DOCK2: variants seen among roughly 807,000 people sequenced by gnomAD.
DOCK2 encodes the protein dedicator of cytokinesis 2.
Under a neutral mutation model 248.9 loss-of-function variants are expected in DOCK2, and 87 were observed. The observed-to-expected ratio is 0.35, with a 90% CI of 0.29 to 0.42. The LOEUF is 0.42. DOCK2 is among the 10% of genes least tolerant of loss of function. DOCK2 has a pLI of 1.00. For synonymous variants in DOCK2, 805 were observed against 821.6 expected, an observed-to-expected ratio of 0.98 and a Z score of 0.35; for missense variants, 1,747 against 2,300.2, an observed-to-expected ratio of 0.76 and a Z score of 4.92.
chr5:169,746,331 G>A (rs114140198), intron 22 of DOCK2, among the ~76,000 whole-genome samples: 2,019 of 152,244 alleles, frequency 0.013, 60 homozygotes, highest in African/African-American at 0.046. Flanking sequence ...TGAGGGGAAG[G>A]ATGGGGATTT....
At chr5:169,804,674 C>G (rs1218467281) in intron 26 of DOCK2, among the ~76,000 whole-genome samples, 1 of 152,042 alleles carries the variant, frequency 6.6e-6, no homozygotes, top group East Asian at 1.9e-4. Context: ...CTTATTATTC[C>G]CATTTTAGAG....
intron 27 of DOCK2, among the ~76,000 whole-genome samples, chr5:169,930,773 C>T (rs3912298): frequency 2.0e-5 from 3 of 152,160 alleles, no homozygotes; most frequent in African/African-American, 7.2e-5. Context: ...GGGTGAGCCT[C>T]CATTTCCAGG....
At chr5:169,915,243 C>T (rs1774812130) in intron 27 of DOCK2, among the ~76,000 whole-genome samples, 1 of 152,058 alleles carries the variant, frequency 6.6e-6, no homozygotes. Context: ...CAAATAAAGG[C>T]TGTGTAATAT....
chr5:169,785,302 A>G (rs1450176090), intron 25 of DOCK2, among the ~76,000 whole-genome samples: 1 of 152,172 alleles, frequency 6.6e-6, no homozygotes, highest in African/African-American at 2.4e-5. Flanking sequence ...AAGATATTTT[A>G]TACCTTATTC....
intron 27 of DOCK2, chr5:169,864,394 G>C: frequency 6.4e-7 from 1 of 1,551,414 alleles, no homozygotes; most frequent in Non-Finnish European, 8.7e-7. Context: ...AACTGGCTCT[G>C]CTTCCTCCAG....
intron 19 of DOCK2, 125 bp downstream of exon 19, chr5:169,714,582 ACT>A: frequency 1.0e-6 from 1 of 997,166 alleles, no homozygotes; most frequent in Non-Finnish European, 1.5e-6. Context: ...AGTAGGATAC[ACT>A]CTCCCGAGTT....
At chr5:169,979,624 GA>G (rs925984750) in intron 27 of DOCK2, among the ~76,000 whole-genome samples, 2 of 151,730 alleles carry the variant, frequency 1.3e-5, no homozygotes, top group Non-Finnish European at 2.9e-5. Flanking sequence ...CACCATAGCA[GA>G]AAAAAAAGAT....
At chr5:169,933,423 G>C (rs1016735535) in intron 27 of DOCK2, among the ~76,000 whole-genome samples, 1 of 152,252 alleles carries the variant, frequency 6.6e-6, no homozygotes. Flanking sequence ...CAAAGATTGA[G>C]AGTGGCTGCT....
chr5:169,803,559 G>A (rs1263689880), intron 26 of DOCK2, among the ~76,000 whole-genome samples: 4 of 152,196 alleles, frequency 2.6e-5, no homozygotes, highest in Non-Finnish European at 4.4e-5. Context: ...GAAAACTCTC[G>A]TGTCTGCTTT....
chr5:170,049,687 A>G (rs897089558), intron 40 of DOCK2, among the ~76,000 whole-genome samples: 1 of 152,204 alleles, frequency 6.6e-6, no homozygotes, highest in African/African-American at 2.4e-5. Flanking sequence ...TTCTAGTAGC[A>G]TCCCCCATTC....
intron 49 of DOCK2, 188 bp from the exon 50 acceptor site, chr5:170,079,975 T>G: frequency 5.6e-6 from 5 of 892,396 alleles, no homozygotes; most frequent in South Asian, 2.0e-5. Context: ...AGTTGTGTAG[T>G]GTGCAACCTG....
chr5:169,907,835 T>G (rs1774372574), intron 27 of DOCK2, among the ~76,000 whole-genome samples: 1 of 152,020 alleles, frequency 6.6e-6, no homozygotes, highest in Admixed American at 6.6e-5. Flanking sequence ...TGGGAGGGGG[T>G]GCTACTGGCA....
chr5:169,987,827 G>A (rs1035915436), intron 29 of DOCK2, among the ~76,000 whole-genome samples: 1 of 152,116 alleles, frequency 6.6e-6, no homozygotes, highest in African/African-American at 2.4e-5. Flanking sequence ...CTTATGTTTT[G>A]TACATTAAAG....
At chr5:169,978,630 C>A (rs1171203875) in intron 27 of DOCK2, among the ~76,000 whole-genome samples, 1 of 152,096 alleles carries the variant, frequency 6.6e-6, no homozygotes, top group African/African-American at 2.4e-5. Context: ...TTCTCTCTCA[C>A]CATCACACAG....
At chr5:169,984,364 T>C (rs977242573) in intron 28 of DOCK2, among the ~76,000 whole-genome samples, 2 of 152,152 alleles carry the variant, frequency 1.3e-5, no homozygotes. Flanking sequence ...ATAACAATAC[T>C]CACCATCATC....
At chr5:170,041,419 T>A (rs1207434055) in intron 37 of DOCK2, among the ~76,000 whole-genome samples, 2 of 152,202 alleles carry the variant, frequency 1.3e-5, no homozygotes, top group Non-Finnish European at 2.9e-5. Flanking sequence ...GGTAAATCAT[T>A]GGCATGCCCA....
chr5:170,015,562 GTTT>G (rs574927254), intron 32 of DOCK2, among the ~76,000 whole-genome samples: 1 of 120,584 alleles, frequency 8.3e-6, no homozygotes, highest in African/African-American at 3.6e-5. Context: ...CTGATTTTAG[GTTT>G]TTTTTGTTTG....
chr5:169,889,084 C>T (rs988196919), intron 27 of DOCK2, among the ~76,000 whole-genome samples: 4 of 152,106 alleles, frequency 2.6e-5, no homozygotes, highest in East Asian at 1.9e-4. Context: ...CTTACCCCTC[C>T]GCTTGACACA....
intron 26 of DOCK2, among the ~76,000 whole-genome samples, chr5:169,839,108 T>G (rs765125908): frequency 6.6e-6 from 1 of 152,178 alleles, no homozygotes; most frequent in Non-Finnish European, 1.5e-5. Flanking sequence ...CCACTATCGA[T>G]TTAGCACTTT....
Sources: allele counts gnomAD v4.1 joint callset (sites outside exome capture counted in the v4.1 genomes callset), GRCh38; gene constraint gnomAD v4.1.1; transcripts MANE v1.5; gene names NCBI Gene and HGNC (gene_info 2026-07-23, HGNC 2026-07-21).